SPDYE16: variants seen among roughly 807,000 people sequenced by gnomAD.
SPDYE16 encodes speedy protein E16.
In SPDYE16, 5 loss-of-function variants were observed where a neutral mutation model predicts 40.1. The ratio of observed to expected loss-of-function variants is 0.12; its 90% CI spans 0.07 to 0.26. The LOEUF is 0.26. SPDYE16 is among the 10% of genes least tolerant of loss of function. The probability of loss-of-function intolerance (pLI) is 1.00; values close to 1 mark genes in which losing one functional copy is unlikely to be tolerated. For missense variants in SPDYE16, 98 were observed against 409.8 expected, an observed-to-expected ratio of 0.24 and a Z score of 6.57; for synonymous variants, 40 against 154.2, an observed-to-expected ratio of 0.26 and a Z score of 5.49.
intron 2 of SPDYE16, among the ~76,000 whole-genome samples, chr7:76,540,969 CTTTTCTTTTT>C (rs1219314152): frequency 1.5e-5 from 2 of 133,602 alleles, no homozygotes; most frequent in Non-Finnish European, 3.1e-5. Flanking sequence ...CTTTTCTTTT[CTTTTCTTTTT>C]TTTTTTTTTT....
chr7:76,542,035 AGATTAT>A, intron 1 of SPDYE16, among the ~76,000 whole-genome samples, 155 bp from the exon 2 acceptor site: 1 of 149,518 alleles, frequency 6.7e-6, no homozygotes, highest in Non-Finnish European at 1.5e-5. Context: ...TACAAGAGTG[AGATTAT>A]CATGTACAAG....
At chr7:76,534,777 CA>C (rs1813001014) in intron 6 of SPDYE16, among the ~76,000 whole-genome samples, 1 of 133,590 alleles carries the variant, frequency 7.5e-6, no homozygotes, top group Non-Finnish European at 1.6e-5. Flanking sequence ...AACAAACAAA[CA>C]AACTGTCCAG....
In SPDYE16 at chr7:76,539,762, A is replaced by G. The variant is rs1426595215; in HGVS notation, c.379+366T>C. On this transcript the variant is annotated intron_variant, in intron 3 of 8. Coordinates refer to ENST00000633306, the MANE Select transcript of SPDYE16 (RefSeq NM_001394943.1). ...ACCCGGCCTTCGTTTTTCTTTTGAC[A>G]CAGGGTTTTGCTCTGTCACCCAGGC... is the stretch of plus-strand genomic sequence containing the variant. Among the ~76,000 whole-genome samples the G allele has an allele frequency of 7.1e-5, 8 of 112,862 alleles. 2 individuals carry two copies. Among genetic ancestry groups the G allele is most frequent in the African/African-American group, 3.7e-4 (8 of 21,720 alleles). 74.0% of individuals were successfully genotyped at this position (112,862 alleles called of 152,430 possible). A position where few individuals can be genotyped will look rare whatever the true frequency, so the allele number is the denominator to read the frequency against.
intron 5 of SPDYE16, among the ~76,000 whole-genome samples, 164 bp from the exon 6 acceptor site, chr7:76,536,421 G>A (rs1348458056): frequency 2.8e-5 from 2 of 71,242 alleles, no homozygotes; most frequent in East Asian, 6.3e-4. Context: ...AGGGGTATTC[G>A]AAGGTCAGAT....
chr7:76,535,524 G>A lies in SPDYE16; in HGVS notation c.755+648C>T, dbSNP rs1303480735. ...TGGGAACCCAGAGGAGGTCGATGGC[G>A]TTTGTGGTTGATGTGGGAAGGAGAG... On this transcript the variant is annotated intron_variant, in intron 6 of 8. Coordinates refer to ENST00000633306, the MANE Select transcript of SPDYE16 (RefSeq NM_001394943.1). Among the ~76,000 whole-genome samples the A allele has an allele frequency of 1.4e-4, 10 of 69,010 alleles. 2 individuals carry two copies. The highest frequency in any genetic ancestry group is 1.4e-3 in the Admixed American group (10 of 7,180). 45.3% of individuals were successfully genotyped at this position (69,010 alleles called of 152,430 possible). A position where few individuals can be genotyped will look rare whatever the true frequency, so the allele number is the denominator to read the frequency against.
At chr7:76,542,430 C>T (rs2116729460) in intron 1 of SPDYE16, among the ~76,000 whole-genome samples, 1 of 148,586 alleles carries the variant, frequency 6.7e-6, no homozygotes, top group African/African-American at 2.5e-5. Flanking sequence ...ATGTATTGCT[C>T]TGAACTCAGA....
chr7:76,538,372 C>A (rs1813084374), intron 4 of SPDYE16, among the ~76,000 whole-genome samples: 1 of 144,956 alleles, frequency 6.9e-6, no homozygotes, highest in Non-Finnish European at 1.5e-5. Flanking sequence ...GGCCTGAAAC[C>A]AAGCTTTCTT....
chr7:76,542,809 T>A (rs201528663), intron 1 of SPDYE16, among the ~76,000 whole-genome samples: 1,806 of 145,614 alleles, frequency 0.012, 36 homozygotes, highest in East Asian at 0.12. Context: ...GTCAAAAAAA[T>A]TTTTTTTGAT....
At chr7:76,541,985 C>G (rs1321578482) in intron 1 of SPDYE16, among the ~76,000 whole-genome samples, 105 bp from the exon 2 acceptor site, 1 of 90,358 alleles carries the variant, frequency 1.1e-5, no homozygotes, top group Non-Finnish European at 2.5e-5. Flanking sequence ...TTATCACGTA[C>G]AAGAGTGAGA....
At chr7:76,540,444 C>G in intron 2 of SPDYE16, 98 bp from the exon 3 acceptor site, 1 of 1,215,518 alleles carries the variant, frequency 8.2e-7, no homozygotes, top group South Asian at 1.6e-5. Flanking sequence ...TCCCCAGACT[C>G]GCAGACTGCT....
At chr7:76,541,188 C>T in intron 2 of SPDYE16, 112 bp downstream of exon 2, 1 of 1,445,000 alleles carries the variant, frequency 6.9e-7, no homozygotes, top group South Asian at 1.4e-5. Context: ...AGGTGATCCG[C>T]CCGCCTCAGC....
rs566958074 is a variant in SPDYE16 at position 76,535,984 on chromosome 7, G to C, written c.755+188C>G. Among the ~76,000 whole-genome samples the C allele has an allele frequency of 2.4e-5, 2 of 82,090 alleles. 1 individual carries two copies. Among genetic ancestry groups the C allele is most frequent in the African/African-American group, 1.4e-4 (2 of 14,694 alleles). 53.9% of individuals were successfully genotyped at this position (82,090 alleles called of 152,430 possible). A position where few individuals can be genotyped will look rare whatever the true frequency, so the allele number is the denominator to read the frequency against. ...CTCCCAAAGTGCTGGGATTACAGGT[G>C]TATGCCACTGTGCCCAGCCTGAGTT... On this transcript the variant is annotated intron_variant, in intron 6 of 8. Coordinates refer to ENST00000633306, the MANE Select transcript of SPDYE16 (RefSeq NM_001394943.1).
At chr7:76,540,974 C>CTT (rs1292373639) in intron 2 of SPDYE16, among the ~76,000 whole-genome samples, 9 of 113,432 alleles carry the variant, frequency 7.9e-5, no homozygotes, top group East Asian at 2.9e-4. Flanking sequence ...CTTTTCTTTT[C>CTT]TTTTTTTTTT....
rs1813189989 is a variant in SPDYE16 at position 76,541,747 on chromosome 7, A to G, written c.-288T>C. Among the ~76,000 whole-genome samples, 2 of 143,478 alleles carry G rather than the reference A, an allele frequency of 1.4e-5. No homozygotes were observed. The highest frequency in any genetic ancestry group is 5.1e-5 in the African/African-American group (2 of 38,860). 94.1% of individuals were successfully genotyped at this position (143,478 alleles called of 152,430 possible). On this transcript the variant is annotated 5_prime_UTR_variant, in exon 2 of 9. It removes an upstream start codon present in the reference 5' UTR. Coordinates refer to ENST00000633306, the MANE Select transcript of SPDYE16 (RefSeq NM_001394943.1). ...CCTGCCACTGTCCCAACCTCAGACCATTGTCCAAAAGCATCTTCGGGGACT... is the reference window on the plus strand; with the variant it reads ...CCTGCCACTGTCCCAACCTCAGACCGTTGTCCAAAAGCATCTTCGGGGACT...
At chr7:76,542,028 A>G (rs1165110826) in intron 1 of SPDYE16, among the ~76,000 whole-genome samples, 148 bp from the exon 2 acceptor site, 2 of 149,494 alleles carry the variant, frequency 1.3e-5, no homozygotes, top group African/African-American at 5.0e-5. Flanking sequence ...TATCATGTAC[A>G]AGAGTGAGAT....
rs1812948008 is a variant in SPDYE16 at position 76,532,755 on chromosome 7, G to C, written c.*85C>G. 1 of 452,836 alleles carries C rather than the reference G, an allele frequency of 2.2e-6. No homozygotes were observed. The highest frequency in any genetic ancestry group is 2.8e-6 in the Non-Finnish European group (1 of 356,942). The allele number at this position is 452,836 out of a possible 1,614,324, so 28.1% of individuals were successfully genotyped here. A position where few individuals can be genotyped will look rare whatever the true frequency, so the allele number is the denominator to read the frequency against. ...TGACTGCCATTAGCATTGGAATAAA[G>C]TTCCTGCTGAAAATCCACATCTCCC... is the stretch of plus-strand genomic sequence containing the variant. On this transcript the variant is annotated 3_prime_UTR_variant, in exon 9 of 9. Transcript: ENST00000633306.
chr7:76,535,424 C>T (rs1813018295), intron 6 of SPDYE16, among the ~76,000 whole-genome samples: 1 of 80,766 alleles, frequency 1.2e-5, no homozygotes, highest in Admixed American at 1.2e-4. Flanking sequence ...GGAGAGACTC[C>T]AGGAGACCCC....
In SPDYE16 at chr7:76,535,957, G is replaced by T. The variant is rs1457998205; in HGVS notation, c.755+215C>A. ...GACCTCAGGTGATCTGCCTGCCTCG[G>T]CCTCCCAAAGTGCTGGGATTACAGG... On this transcript the variant is annotated intron_variant, in intron 6 of 8. Coordinates refer to ENST00000633306, the MANE Select transcript of SPDYE16 (RefSeq NM_001394943.1). Among the ~76,000 whole-genome samples the T allele has an allele frequency of 1.2e-4, 10 of 82,648 alleles. 3 individuals carry two copies. The highest frequency in any genetic ancestry group is 6.7e-4 in the African/African-American group (10 of 14,884). The allele number at this position is 82,648 out of a possible 152,430, so 54.2% of individuals were successfully genotyped here.
rs1167025580 is a variant in SPDYE16, at chr7:76,533,321, G to A, written c.*45+328C>T. 446 of 650,010 alleles carry A rather than the reference G, an allele frequency of 6.9e-4. 20 individuals are homozygous for A. The African/African-American group carries it at 0.013, about 19-fold the overall frequency. The allele number at this position is 650,010 out of a possible 1,614,324, so 40.3% of individuals were successfully genotyped here. A position where few individuals can be genotyped will look rare whatever the true frequency, so the allele number is the denominator to read the frequency against. On this transcript the variant is annotated intron_variant, in intron 8 of 8. Transcript: ENST00000633306. Reference sequence around the variant, plus strand: ...CGACCCAAATCGGTAACTCAAGTGCGTCAGTCATAATGAACCTCCCCAAAC... The same window carrying A: ...CGACCCAAATCGGTAACTCAAGTGCATCAGTCATAATGAACCTCCCCAAAC...
Sources: gnomAD v4.1 joint callset for allele counts (sites outside exome capture counted in the v4.1 genomes callset) on GRCh38, gnomAD v4.1.1 for gene constraint, MANE v1.5 for transcripts, NCBI Gene and HGNC (gene_info 2026-07-23, HGNC 2026-07-21) for gene names.